Variants in SUMF1 observed in about 807,000 individuals in gnomAD.
SUMF1 encodes formylglycine-generating enzyme.
SUMF1 carries 48 observed loss-of-function variants against 47.6 expected under a neutral mutation model. The ratio of observed to expected loss-of-function variants is 1.01; its 90% CI spans 0.80 to 1.28. The LOEUF (loss-of-function observed/expected upper bound fraction) is 1.28. Among genes scored for constraint, SUMF1 ranks in the 50% most tolerant of loss-of-function variants. The pLI, the probability that SUMF1 is intolerant of heterozygous loss-of-function variation, is 0.00. For missense variants in SUMF1, 571 were observed against 485.4 expected, an observed-to-expected ratio of 1.18 and a Z score of -1.66; for synonymous variants, 230 against 192.1, an observed-to-expected ratio of 1.20 and a Z score of -1.63.
At chr3:4,253,351 C>G (rs550225587) in intron 8 of SUMF1, among the ~76,000 whole-genome samples, 1 of 152,294 alleles carries the variant, frequency 6.6e-6, no homozygotes, top group East Asian at 1.9e-4. Flanking sequence ...TCTGAGGTAC[C>G]GGGTTCATCT....
intron 8 of SUMF1, among the ~76,000 whole-genome samples, chr3:4,305,174 C>T (rs1167431732): frequency 6.6e-6 from 1 of 152,102 alleles, no homozygotes; most frequent in Non-Finnish European, 1.5e-5. Flanking sequence ...CAACCTCCGC[C>T]TCCCAGGTTC....
chr3:4,211,509 G>C (rs1372531460), intron 8 of SUMF1, among the ~76,000 whole-genome samples: 4 of 151,908 alleles, frequency 2.6e-5, no homozygotes, highest in African/African-American at 9.7e-5. Context: ...AAATAATAAA[G>C]CTTCCAGAGG....
intron 8 of SUMF1, among the ~76,000 whole-genome samples, chr3:4,308,438 AT>A (rs1698277736): frequency 6.6e-6 from 1 of 152,248 alleles, no homozygotes; most frequent in African/African-American, 2.4e-5. Flanking sequence ...CCAGAAACAT[AT>A]GTTGTTTTAA....
chr3:4,426,752 G>C (rs902575858), intron 3 of SUMF1, among the ~76,000 whole-genome samples: 1 of 152,008 alleles, frequency 6.6e-6, no homozygotes, highest in African/African-American at 2.4e-5. Context: ...AATTTTTTTT[G>C]GATGTGGTTG....
At chr3:4,036,275 T>C (rs1694793710) in intron 9 of SUMF1, among the ~76,000 whole-genome samples, 1 of 152,162 alleles carries the variant, frequency 6.6e-6, no homozygotes, top group African/African-American at 2.4e-5. Flanking sequence ...ATGTTTAGAA[T>C]GTAAACAAAG....
intron 8 of SUMF1, among the ~76,000 whole-genome samples, chr3:4,336,007 G>A (rs1199691464): frequency 2.1e-5 from 3 of 143,922 alleles, no homozygotes; most frequent in African/African-American, 8.3e-5. Flanking sequence ...CCAGTACCAG[G>A]CATTGATAGG....
At chr3:4,144,181 G>T (rs1011771133) in intron 8 of SUMF1, among the ~76,000 whole-genome samples, 1 of 151,652 alleles carries the variant, frequency 6.6e-6, no homozygotes, top group African/African-American at 2.4e-5. Flanking sequence ...GTCCCAGGCT[G>T]GTCTCAAACT....
At chr3:4,389,127 A>G (rs1232611378) in intron 7 of SUMF1, among the ~76,000 whole-genome samples, 1 of 152,158 alleles carries the variant, frequency 6.6e-6, no homozygotes, top group African/African-American at 2.4e-5. Flanking sequence ...TCCTTTAGCC[A>G]TCCTTTTAGG....
intron 8 of SUMF1, among the ~76,000 whole-genome samples, chr3:4,114,643 C>G (rs1574896275): frequency 6.6e-6 from 1 of 152,120 alleles, no homozygotes; most frequent in Non-Finnish European, 1.5e-5. Flanking sequence ...TTCAGCTGAT[C>G]TGGAGTTACT....
chr3:4,242,170 T>C (rs1039971772), intron 8 of SUMF1, among the ~76,000 whole-genome samples: 1 of 152,144 alleles, frequency 6.6e-6, no homozygotes, highest in Non-Finnish European at 1.5e-5. Context: ...TTAAGGAGAT[T>C]TGGGGCCGAG....
At chr3:4,129,881 C>T (rs1053156230) in intron 8 of SUMF1, among the ~76,000 whole-genome samples, 1 of 152,022 alleles carries the variant, frequency 6.6e-6, no homozygotes, top group Non-Finnish European at 1.5e-5. Context: ...TCATCATTTC[C>T]CCAGTGTCAG....
chr3:4,362,340 T>TCTAC, intron 8 of SUMF1, 86 bp from the exon 9 acceptor site: 4 of 1,082,528 alleles, frequency 3.7e-6, no homozygotes, highest in Non-Finnish European at 4.2e-6. Flanking sequence ...GCACCGGCTG[T>TCTAC]AGACAGTGCT....
At chr3:4,395,323 T>C (rs1482649171) in intron 7 of SUMF1, among the ~76,000 whole-genome samples, 1 of 152,160 alleles carries the variant, frequency 6.6e-6, no homozygotes, top group Non-Finnish European at 1.5e-5. Context: ...TACCAATAAT[T>C]TGTATTTTTT....
intron 5 of SUMF1, 92 bp downstream of exon 5, chr3:4,417,918 C>G: frequency 1.3e-6 from 2 of 1,597,786 alleles, no homozygotes; most frequent in Admixed American, 3.4e-5. Context: ...TATTAACTTT[C>G]TAACCAAAGT....
At chr3:4,173,796 G>A (rs2686720) in intron 8 of SUMF1, among the ~76,000 whole-genome samples, 53,058 of 151,762 alleles carry the variant, frequency 0.35, 9,411 homozygotes, top group East Asian at 0.4. Flanking sequence ...ATCAAACACC[G>A]CATGTCCCCA....
intron 9 of SUMF1, among the ~76,000 whole-genome samples, chr3:4,063,398 T>G (rs1695309904): frequency 6.6e-6 from 1 of 152,114 alleles, no homozygotes; most frequent in Admixed American, 6.6e-5. Context: ...GTAGTTCACT[T>G]TTTGATGTAC....
At chr3:4,449,164 G>A in intron 3 of SUMF1, 102 bp downstream of exon 3, 1 of 1,250,224 alleles carries the variant, frequency 8.0e-7, no homozygotes, top group Non-Finnish European at 1.2e-6. Context: ...ATGGTTAGGT[G>A]TTACAGGGAG....
In SUMF1 at chr3:4,251,838, G is replaced by T. The variant is rs183504138; in HGVS notation, c.1014+124492C>A. Among the ~76,000 whole-genome samples, 6 of 152,272 alleles carry T rather than the reference G, an allele frequency of 3.9e-5. No individual in the cohort carries two copies. The East Asian group carries it at 9.6e-4, about 24-fold the overall frequency. ...ATGGCAAAAAGATAACTCACTGAAG[G>T]CTCAGTTAATTATTAGAATTTTTTT... On this transcript the variant is annotated intron_variant and NMD_transcript_variant, in intron 8 of 12. Transcript: ENST00000448413.
chr3:4,444,182 A>T (rs1575230369), intron 3 of SUMF1, among the ~76,000 whole-genome samples: 1 of 152,256 alleles, frequency 6.6e-6, no homozygotes, highest in African/African-American at 2.4e-5. Context: ...GAGCTACTCA[A>T]GAAAAATAAA....
Sources: allele counts gnomAD v4.1 joint callset (sites outside exome capture counted in the v4.1 genomes callset), GRCh38; gene constraint gnomAD v4.1.1; transcripts MANE v1.5; gene names NCBI Gene and HGNC (gene_info 2026-07-23, HGNC 2026-07-21).